Variants in RAB40C observed in about 807,000 individuals in gnomAD.
RAB40C encodes the protein RAB40C, member RAS oncogene family.
RAB40C carries 8 observed loss-of-function variants against 28.1 expected under a neutral mutation model. That is an observed-to-expected ratio of 0.28 (90% CI 0.17 to 0.51). RAB40C has a LOEUF of 0.51. Among genes scored for constraint, RAB40C ranks in the 20% least tolerant of loss-of-function variants. The pLI, the probability that RAB40C is intolerant of heterozygous loss-of-function variation, is 0.97. For synonymous variants in RAB40C, 201 were observed against 171.7 expected (o/e 1.17, Z -1.34); for missense variants, 288 against 405.9 (o/e 0.71, Z 2.50).
chr16:625,930 G>T lies in RAB40C; in HGVS notation c.374G>T (p.Gly125Val). ...HAPGVPRILV[G>V]NRLHLAFKRQ... The stretch of plus-strand genomic sequence containing the variant: ...CCCGGAGTCCCCCGGATCTTGGTTG[G>T]AAACCGGCTGCACCTGGCCTTCAAG... The change falls in exon 5 of 6, where the codon GGA (glycine) becomes GTA (valine). Residue 125 changes from glycine to valine, a missense_variant. Coordinates refer to ENST00000248139, the MANE Select transcript of RAB40C (RefSeq NM_021168.5). The T allele has an allele frequency of 1.2e-6, 2 of 1,613,160 alleles. No homozygotes were observed. The highest frequency in any genetic ancestry group is 2.2e-5 in the South Asian group (2 of 91,068).
At chr16:604,717 G>A (rs1471227699) in intron 1 of RAB40C, among the ~76,000 whole-genome samples, 2 of 152,214 alleles carry the variant, frequency 1.3e-5, no homozygotes, top group Non-Finnish European at 2.9e-5. Flanking sequence ...TTATAAGCTT[G>A]CCCAGCCTGG....
rs2036042920 is a variant in RAB40C, at chr16:593,399, A to G, written c.142+2966A>G. ...GGGAAGGACGTACGTGTTAACCTCC[A>G]TTGCTTTCTCTCCTTTGTTGGGAGG... On this transcript the variant is annotated intron_variant, in intron 1 of 5. Coordinates refer to ENST00000248139, the MANE Select transcript of RAB40C (RefSeq NM_021168.5). 5.3e-5 allele frequency among the ~76,000 whole-genome samples: 8 copies of G among 152,190 alleles called. No individual in the cohort carries two copies. The South Asian group carries it at 1.4e-3, about 28-fold the overall frequency.
chr16:602,977 T>G (rs2036283618), intron 1 of RAB40C, among the ~76,000 whole-genome samples: 1 of 152,174 alleles, frequency 6.6e-6, no homozygotes, highest in African/African-American at 2.4e-5. Context: ...CCTTAAAAGA[T>G]GGGAGAGGAG....
At position 618,219 on chromosome 16, in the gene RAB40C, C is replaced by T; in HGVS notation, c.223C>T (p.Arg75Trp). The change falls in exon 3 of 6, where the codon CGG becomes TGG. Residue 75 changes from arginine to tryptophan, a missense_variant. Coordinates refer to ENST00000248139, the MANE Select transcript of RAB40C (RefSeq NM_021168.5). ...TTTCAGGGACACGTCGGGCCAGGGCCGGTTCTGCACCATCTTCAGGTCCTA... is the reference window on the plus strand; with the variant it reads ...TTTCAGGGACACGTCGGGCCAGGGCTGGTTCTGCACCATCTTCAGGTCCTA... Reference protein sequence around the residue: ...LELWDTSGQGRFCTIFRSYSR... With the variant: ...LELWDTSGQGWFCTIFRSYSR... 1.2e-6 allele frequency: 2 copies of T among 1,613,636 alleles called. No individual in the cohort carries two copies. Among genetic ancestry groups the T allele is most frequent in the Non-Finnish European group, 1.7e-6 (2 of 1,179,892 alleles).
At chr16:605,169 G>A (rs556200937) in intron 1 of RAB40C, among the ~76,000 whole-genome samples, 4 of 152,326 alleles carry the variant, frequency 2.6e-5, no homozygotes, top group East Asian at 1.9e-4. Flanking sequence ...AGGCTGCAGC[G>A]AGCCGTGATT....
At chr16:590,740 T>G (rs1442708296) in intron 1 of RAB40C, among the ~76,000 whole-genome samples, 1 of 150,650 alleles carries the variant, frequency 6.6e-6, no homozygotes, top group East Asian at 2.0e-4. Context: ...GTCCGGGATC[T>G]GGAGCCCAGG....
At chr16:601,677 A>G (rs986281196) in intron 1 of RAB40C, among the ~76,000 whole-genome samples, 10 of 152,026 alleles carry the variant, frequency 6.6e-5, no homozygotes, top group African/African-American at 2.4e-4. Flanking sequence ...ATCAAATAGT[A>G]AAACATCACA....
chr16:627,774 G>C lies in RAB40C; in HGVS notation c.*152G>C. On this transcript the variant is annotated 3_prime_UTR_variant, in exon 6 of 6. Transcript: ENST00000248139. ...TCCTCACACCTGAGCCGGGTGCGAG[G>C]AGGAGCATGCACGGACCAAGCGCGG... is the stretch of plus-strand genomic sequence containing the variant. 9.8e-7 allele frequency: 1 copy of C among 1,024,366 alleles called. No homozygotes were observed. The highest frequency in any genetic ancestry group is 1.4e-6 in the Non-Finnish European group (1 of 737,992). The allele number at this position is 1,024,366 out of a possible 1,614,324, so 63.5% of individuals were successfully genotyped here.
At chr16:601,894 G>C (rs972708751) in intron 1 of RAB40C, among the ~76,000 whole-genome samples, 75 of 149,854 alleles carry the variant, frequency 5.0e-4, no homozygotes, top group Non-Finnish European at 1.3e-4. Context: ...TTGGGAGGCC[G>C]AGGTGGGTGG....
intron 1 of RAB40C, among the ~76,000 whole-genome samples, chr16:594,313 C>T (rs1468017044): frequency 6.6e-6 from 1 of 152,120 alleles, no homozygotes; most frequent in Admixed American, 6.5e-5. Context: ...ACACTCCGGT[C>T]CTTTGAGCCT....
intron 3 of RAB40C, chr16:623,792 TA>T (rs1214119040): frequency 1.3e-5 from 3 of 229,430 alleles, no homozygotes; most frequent in African/African-American, 4.7e-5. Flanking sequence ...AAAAAATGTT[TA>T]AAAAAACTTA....
At chr16:592,403 G>A (rs1232247653) in intron 1 of RAB40C, among the ~76,000 whole-genome samples, 1 of 152,220 alleles carries the variant, frequency 6.6e-6, no homozygotes, top group African/African-American at 2.4e-5. Flanking sequence ...CTGGAAGCTT[G>A]TGCTCCTGGC....
At chr16:615,164 T>C (rs1399477296) in intron 1 of RAB40C, among the ~76,000 whole-genome samples, 2 of 152,352 alleles carry the variant, frequency 1.3e-5, no homozygotes, top group African/African-American at 4.8e-5. Context: ...TCTGCAGACA[T>C]TTCCCTCCAT....
At chr16:597,278 C>T (rs936689883) in intron 1 of RAB40C, among the ~76,000 whole-genome samples, 1 of 151,906 alleles carries the variant, frequency 6.6e-6, no homozygotes, top group Non-Finnish European at 1.5e-5. Context: ...AAGAGTTGGT[C>T]CCATATTCCC....
chr16:604,061 CTTT>C (rs71299921), intron 1 of RAB40C, among the ~76,000 whole-genome samples: 2 of 138,662 alleles, frequency 1.4e-5, no homozygotes. Flanking sequence ...TTTTCTTTTT[CTTT>C]TTTTTTTTTT....
rs1378819548 is a variant in RAB40C, at chr16:590,255, C to T, written c.-37C>T. ...GCCGCGGCCTCACCCGGCGGTGCTT[C>T]GGCAGGCGGCCGGCGCGGGGCGCAG... On this transcript the variant is annotated 5_prime_UTR_variant, in exon 1 of 6. Transcript: ENST00000248139. The T allele has an allele frequency of 5.7e-6, 8 of 1,398,198 alleles. No homozygotes were observed. The East Asian group carries it at 9.4e-5, about 16-fold the overall frequency. 86.6% of individuals were successfully genotyped at this position (1,398,198 alleles called of 1,614,324 possible). A position where few individuals can be genotyped will look rare whatever the true frequency, so the allele number is the denominator to read the frequency against.
chr16:607,797 G>A (rs965083805), intron 1 of RAB40C, among the ~76,000 whole-genome samples: 2 of 151,956 alleles, frequency 1.3e-5, no homozygotes, highest in Non-Finnish European at 2.9e-5. Context: ...TCTCAAAAAC[G>A]AAAAGAAAAG....
intron 1 of RAB40C, among the ~76,000 whole-genome samples, chr16:611,085 C>A (rs2060402632): frequency 1.3e-5 from 2 of 152,348 alleles, no homozygotes; most frequent in South Asian, 4.1e-4. Flanking sequence ...GGGTGCGGAG[C>A]CTGCAGGATG....
intron 1 of RAB40C, among the ~76,000 whole-genome samples, chr16:591,005 GGAA>G: frequency 6.6e-6 from 1 of 152,000 alleles, no homozygotes; most frequent in Middle Eastern, 3.4e-3. Flanking sequence ...TGGGCCAAAA[GGAA>G]GGTGTCATGG....
Sources: allele counts gnomAD v4.1 joint callset (sites outside exome capture counted in the v4.1 genomes callset), GRCh38; gene constraint gnomAD v4.1.1; transcripts MANE v1.5; gene names NCBI Gene and HGNC (gene_info 2026-07-23, HGNC 2026-07-21).